Variants in ANKRD36B observed in about 807,000 individuals in gnomAD.
The protein encoded by ANKRD36B is ankyrin repeat domain-containing protein 36B.
A neutral mutation model predicts 135.7 loss-of-function variants in ANKRD36B; 37 were observed. The ratio of observed to expected loss-of-function variants is 0.27; its 90% CI spans 0.21 to 0.36. The LOEUF is 0.36. Among genes scored for constraint, ANKRD36B ranks in the 10% least tolerant of loss-of-function variants. The pLI is 1.00. For missense variants in ANKRD36B, 549 were observed against 1,037.1 expected (o/e 0.53, Z 6.46); for synonymous variants, 179 against 348.1 (o/e 0.51, Z 5.41).
chr2:97,539,047 C>T (rs1232758543), intron 30 of ANKRD36B, among the ~76,000 whole-genome samples: 1 of 96,368 alleles, frequency 1.0e-5, no homozygotes, highest in African/African-American at 3.1e-5. Context: ...ATATATAAAC[C>T]ATATCAAAAA....
chr2:97,588,132 G>T (rs1327150288), intron 1 of ANKRD36B, among the ~76,000 whole-genome samples: 1 of 151,240 alleles, frequency 6.6e-6, no homozygotes, highest in Non-Finnish European at 1.5e-5. Context: ...AGGCATTTGT[G>T]TTTTTTTCTG....
chr2:97,546,738 T>C (rs1279894244), intron 22 of ANKRD36B, among the ~76,000 whole-genome samples: 1 of 151,728 alleles, frequency 6.6e-6, no homozygotes, highest in Non-Finnish European at 1.5e-5. Flanking sequence ...CATGTTATTC[T>C]CGAAAGAAGT....
intron 20 of ANKRD36B, 73 bp from the exon 21 acceptor site, chr2:97,547,804 T>A (rs1344830602): frequency 6.6e-7 from 1 of 1,523,892 alleles, no homozygotes. Context: ...CACGCAGTGT[T>A]AGCATCAACC....
chr2:97,528,658 A>T (rs1482478019), intron 35 of ANKRD36B, among the ~76,000 whole-genome samples: 1 of 96,180 alleles, frequency 1.0e-5, no homozygotes. Context: ...GACCGCTAGC[A>T]AGACTAATAA....
chr2:97,546,525 A>G (rs543162840), intron 22 of ANKRD36B, among the ~76,000 whole-genome samples: 170 of 151,878 alleles, frequency 1.1e-3, no homozygotes, highest in Middle Eastern at 3.4e-3. Flanking sequence ...TCTTGGCACC[A>G]AAGGATAATA....
chr2:97,567,814 T>C (rs904461366), intron 6 of ANKRD36B, among the ~76,000 whole-genome samples: 5 of 152,182 alleles, frequency 3.3e-5, no homozygotes, highest in Non-Finnish European at 7.3e-5. Context: ...CATAAATCTG[T>C]ACCTAACATC....
chr2:97,580,213 A>G (rs1179913195), intron 4 of ANKRD36B, among the ~76,000 whole-genome samples: 1 of 152,268 alleles, frequency 6.6e-6, no homozygotes, highest in African/African-American at 2.4e-5. Context: ...CTTTCTATAT[A>G]TAGAAGCCTT....
In ANKRD36B at chr2:97,513,278, C is replaced by G. The variant is rs749404297; in HGVS notation, c.2707G>C (p.Glu903Gln). Residue 903 changes from glutamate (E) to glutamine (Q), a missense_variant, in exon 38 of 44, where the codon GAG becomes CAG. Transcript: ENST00000359901. ...KVREKLRITE[E>Q]QYRIEADVTK... ...ACATCAGCTTCTATCCTATATTGCTCTTCTGTTATTCTTAACTTTTCCCTA... is the reference window on the plus strand; with the variant it reads ...ACATCAGCTTCTATCCTATATTGCTGTTCTGTTATTCTTAACTTTTCCCTA... 7.0e-6 allele frequency: 11 copies of G among 1,565,188 alleles called. 2 individuals are homozygous for G. In the East Asian group the frequency reaches 2.3e-4, roughly 33 times the overall value.
In ANKRD36B at chr2:97,536,269, T is replaced by C. The variant is rs2078885163; in HGVS notation, c.2191+31A>G. 5 of 830,454 alleles carry C rather than the reference T, an allele frequency of 6.0e-6. 2 individuals carry two copies. Among genetic ancestry groups the C allele is most frequent in the South Asian group, 1.3e-5 (1 of 76,220 alleles). 51.4% of individuals were successfully genotyped at this position (830,454 alleles called of 1,614,324 possible). A position where few individuals can be genotyped will look rare whatever the true frequency, so the allele number is the denominator to read the frequency against. On this transcript the variant is annotated intron_variant, in intron 34 of 43. Coordinates refer to ENST00000359901, the MANE Select transcript of ANKRD36B (RefSeq NM_001393939.1). ...TTACAAACAGATTAATGTACTTCTT[T>C]CCAGAGTTAAATCTACAATGCAAAG...
At chr2:97,571,196 A>G (rs999379185) in intron 6 of ANKRD36B, among the ~76,000 whole-genome samples, 1 of 152,224 alleles carries the variant, frequency 6.6e-6, no homozygotes, top group Admixed American at 6.5e-5. Flanking sequence ...ATTGGGGATC[A>G]GGCCAGGTGC....
In ANKRD36B at chr2:97,540,129, T is replaced by C. The variant is rs750206294; in HGVS notation, c.1915-23A>G. On this transcript the variant is annotated intron_variant, in intron 29 of 43. Coordinates refer to ENST00000359901, the MANE Select transcript of ANKRD36B (RefSeq NM_001393939.1). ...AGTCTGAATGGAATTTGAAACAAAA[T>C]AATAAATAAATAAAGTATGTTTCAT... 2.3e-5 allele frequency: 22 copies of C among 940,238 alleles called. 3 individuals are homozygous for C. In the South Asian group the frequency reaches 2.6e-4, roughly 11 times the overall value. 58.2% of individuals were successfully genotyped at this position (940,238 alleles called of 1,614,324 possible).
At chr2:97,568,572 C>T (rs1018754228) in intron 6 of ANKRD36B, among the ~76,000 whole-genome samples, 1 of 152,118 alleles carries the variant, frequency 6.6e-6, no homozygotes, top group Non-Finnish European at 1.5e-5. Context: ...TCATTTTTAG[C>T]TCCTTCAAAA....
chr2:97,556,857 A>C (rs1219639984), intron 12 of ANKRD36B, 80 bp downstream of exon 12: 2 of 1,519,292 alleles, frequency 1.3e-6, no homozygotes. Flanking sequence ...TTTCAATGAC[A>C]CCCCACTGAT....
intron 20 of ANKRD36B, among the ~76,000 whole-genome samples, chr2:97,548,610 T>C (rs1207215085): frequency 6.6e-6 from 1 of 151,932 alleles, no homozygotes; most frequent in Admixed American, 6.6e-5. Flanking sequence ...TGTTGTTCTC[T>C]AAAGAAGTTT....
chr2:97,534,952 G>A (rs2078784751), intron 34 of ANKRD36B, among the ~76,000 whole-genome samples: 3 of 96,664 alleles, frequency 3.1e-5, no homozygotes, highest in Admixed American at 2.8e-4. Flanking sequence ...CAGAAAAATG[G>A]GTTCTAAAAA....
chr2:97,551,904 A>T (rs1300647217), intron 16 of ANKRD36B, among the ~76,000 whole-genome samples: 1 of 151,960 alleles, frequency 6.6e-6, no homozygotes, highest in African/African-American at 2.4e-5. Context: ...AACATGCATC[A>T]TGCTCTTTAA....
intron 12 of ANKRD36B, 129 bp downstream of exon 12, chr2:97,556,808 A>T: frequency 7.0e-7 from 1 of 1,426,098 alleles, no homozygotes; most frequent in East Asian, 2.5e-5. Flanking sequence ...AACTTACTAG[A>T]AATGCACAAT....
rs1221118812 is a variant in ANKRD36B, at chr2:97,530,355, T to C, written c.2265+1956A>G. On this transcript the variant is annotated intron_variant, in intron 35 of 43. Coordinates refer to ENST00000359901, the MANE Select transcript of ANKRD36B (RefSeq NM_001393939.1). ...GCTGGGAAAACTGGCTAGCCATATG[T>C]AGAACGCTGCAACTGGATCCCTTCC... 3.2e-5 allele frequency among the ~76,000 whole-genome samples: 3 copies of C among 94,044 alleles called. 1 individual carries two copies. The highest frequency in any genetic ancestry group is 9.4e-5 in the Admixed American group (1 of 10,644). 61.7% of individuals were successfully genotyped at this position (94,044 alleles called of 152,430 possible). A position where few individuals can be genotyped will look rare whatever the true frequency, so the allele number is the denominator to read the frequency against.
At chr2:97,557,233 A>G in intron 10 of ANKRD36B, 101 bp from the exon 11 acceptor site, 1 of 1,475,738 alleles carries the variant, frequency 6.8e-7, no homozygotes, top group Non-Finnish European at 9.1e-7. Flanking sequence ...TCCCGCCTGC[A>G]CTAGTGTAGG....
Sources: gnomAD v4.1 joint callset for allele counts (sites outside exome capture counted in the v4.1 genomes callset) on GRCh38, gnomAD v4.1.1 for gene constraint, MANE v1.5 for transcripts, NCBI Gene and HGNC (gene_info 2026-07-23, HGNC 2026-07-21) for gene names.